The following SNAP25 variants were observed in gnomAD, a reference collection of about 807,000 sequenced individuals.
SNAP25 encodes the protein synaptosomal-associated protein 25.
SNAP25 carries 3 observed loss-of-function variants against 28.7 expected under a neutral mutation model. That is an observed-to-expected ratio of 0.10 (90% confidence interval 0.05 to 0.27). The LOEUF (loss-of-function observed/expected upper bound fraction) is 0.27, where lower values mean the gene tolerates loss of function less well. Among genes scored for constraint, SNAP25 ranks in the 10% least tolerant of loss-of-function variants. SNAP25 has a pLI of 1.00. For synonymous variants in SNAP25, 61 were observed against 88.1 expected (o/e 0.69, Z 1.72); for missense variants, 117 against 278.7 (o/e 0.42, Z 4.13).
chr20:10,282,216 GAAGGAAGGAAGGGA>G (rs1282523761), intron 3 of SNAP25, among the ~76,000 whole-genome samples: 32 of 146,172 alleles, frequency 2.2e-4, no homozygotes, highest in Admixed American at 6.8e-4. Flanking sequence ...AGGAAGGAAG[GAAGGAAGGAAGGGA>G]AAGGAAGGAA....
At chr20:10,292,893 C>G in intron 4 of SNAP25, 1 of 1,604,218 alleles carries the variant, frequency 6.2e-7, no homozygotes, top group Non-Finnish European at 8.5e-7. Context: ...ACAACTCGAT[C>G]GTGTCGAAGA....
chr20:10,246,403 C>G (rs568087209), intron 1 of SNAP25, among the ~76,000 whole-genome samples: 2 of 152,268 alleles, frequency 1.3e-5, no homozygotes, highest in East Asian at 3.9e-4. Flanking sequence ...ACAAGGTTCT[C>G]CTTATCAATG....
At chr20:10,283,299 C>T (rs1040961716) in intron 3 of SNAP25, among the ~76,000 whole-genome samples, 26 of 152,324 alleles carry the variant, frequency 1.7e-4, no homozygotes, top group African/African-American at 6.0e-4. Flanking sequence ...TGCTGTCTTA[C>T]AAAGGAGAAC....
chr20:10,264,942 G>C (rs1302786926), intron 1 of SNAP25, among the ~76,000 whole-genome samples: 1 of 133,074 alleles, frequency 7.5e-6, no homozygotes, highest in Non-Finnish European at 1.5e-5. Context: ...TTTTTTCTGA[G>C]ATGGAGTCTC....
intron 1 of SNAP25, among the ~76,000 whole-genome samples, chr20:10,225,134 G>A (rs1184970088): frequency 1.3e-5 from 2 of 151,874 alleles, no homozygotes; most frequent in Non-Finnish European, 2.9e-5. Flanking sequence ...AGAGAAGGAA[G>A]CTTTAAAGCC....
At chr20:10,251,293 G>A (rs779003129) in intron 1 of SNAP25, among the ~76,000 whole-genome samples, 4 of 152,186 alleles carry the variant, frequency 2.6e-5, no homozygotes, top group Non-Finnish European at 5.9e-5. Context: ...TTTCCTGGGG[G>A]ATAGAGATGA....
chr20:10,290,647 C>CAA (rs61495689), intron 4 of SNAP25, among the ~76,000 whole-genome samples: 86 of 145,666 alleles, frequency 5.9e-4, no homozygotes, highest in South Asian at 3.1e-3. Flanking sequence ...ATATTTTGGC[C>CAA]AAAAAAAAAA....
intron 3 of SNAP25, among the ~76,000 whole-genome samples, chr20:10,282,195 G>T (rs953761810): frequency 6.7e-6 from 1 of 149,224 alleles, no homozygotes; most frequent in Non-Finnish European, 1.5e-5. Context: ...AAGGAAGGAA[G>T]GAAGGAAGGA....
intron 3 of SNAP25, among the ~76,000 whole-genome samples, chr20:10,283,909 C>T (rs1432267759): frequency 3.3e-5 from 5 of 152,104 alleles, no homozygotes; most frequent in African/African-American, 4.8e-5. Flanking sequence ...ATCTTTGTTC[C>T]TTCTGTCCTG....
chr20:10,245,495 A>G (rs1568584835), intron 1 of SNAP25, among the ~76,000 whole-genome samples: 1 of 152,232 alleles, frequency 6.6e-6, no homozygotes, highest in African/African-American at 2.4e-5. Flanking sequence ...AACTTAGATT[A>G]GCCATCAAAT....
At chr20:10,230,364 G>T (rs1466082416) in intron 1 of SNAP25, among the ~76,000 whole-genome samples, 1 of 152,068 alleles carries the variant, frequency 6.6e-6, no homozygotes, top group Non-Finnish European at 1.5e-5. Context: ...CTTTGAGAGG[G>T]GGAAAATGGT....
intron 1 of SNAP25, among the ~76,000 whole-genome samples, chr20:10,248,340 T>G (rs781655658): frequency 3.9e-5 from 6 of 152,204 alleles, no homozygotes; most frequent in Admixed American, 6.5e-5. Flanking sequence ...AATTATTTTA[T>G]AGTGTTTTTT....
chr20:10,306,579 C>T lies in SNAP25; in HGVS notation c.*382C>T, dbSNP rs138893057. On this transcript the variant is annotated 3_prime_UTR_variant, in exon 8 of 8. Transcript: ENST00000254976. ...GTGACATTCCACAGAGTTACTGCCA[C>T]GGTCCTTTGAGTGTCAGGCTCTGAA... 4.2e-4 allele frequency: 69 copies of T among 163,210 alleles called. No individual in the cohort carries two copies. The East Asian group carries it at 5.8e-3, about 14-fold the overall frequency. The allele number at this position is 163,210 out of a possible 1,614,324, so 10.1% of individuals were successfully genotyped here.
At chr20:10,220,824 T>C (rs780246579) in intron 1 of SNAP25, among the ~76,000 whole-genome samples, 6 of 152,260 alleles carry the variant, frequency 3.9e-5, no homozygotes, top group Admixed American at 3.9e-4. Flanking sequence ...TCATACCTCC[T>C]ATCATCTGTA....
At chr20:10,220,560 T>C (rs560302511) in intron 1 of SNAP25, among the ~76,000 whole-genome samples, 9 of 152,338 alleles carry the variant, frequency 5.9e-5, no homozygotes, top group African/African-American at 2.2e-4. Context: ...GCTGAGGTGG[T>C]AATAACTACT....
At chr20:10,262,249 T>C (rs1480179471) in intron 1 of SNAP25, among the ~76,000 whole-genome samples, 2 of 152,220 alleles carry the variant, frequency 1.3e-5, no homozygotes, top group African/African-American at 4.8e-5. Flanking sequence ...TCAACTAGCA[T>C]AGACGAGTCC....
intron 4 of SNAP25, 184 bp from the exon 5 acceptor site, chr20:10,292,977 C>T: frequency 6.2e-7 from 1 of 1,611,784 alleles, no homozygotes; most frequent in Non-Finnish European, 8.5e-7. Context: ...ATGCTGTGGC[C>T]TTTTCATATG....
intron 1 of SNAP25, among the ~76,000 whole-genome samples, chr20:10,221,888 TGAGA>T (rs2062641116): frequency 6.6e-6 from 1 of 152,174 alleles, no homozygotes; most frequent in Non-Finnish European, 1.5e-5. Context: ...AAAAATAATC[TGAGA>T]AAGAGGTTGA....
Position 10,306,358 on chromosome 20 carries a change from T to C in SNAP25, c.*161T>C, listed in dbSNP as rs1212872523. 2 of 605,994 alleles carry C rather than the reference T, an allele frequency of 3.3e-6. No individual in the cohort carries two copies. The highest frequency in any genetic ancestry group is 1.9e-5 in the African/African-American group (1 of 53,164). The allele number at this position is 605,994 out of a possible 1,614,324, so 37.5% of individuals were successfully genotyped here. A position where few individuals can be genotyped will look rare whatever the true frequency, so the allele number is the denominator to read the frequency against. ...ATCTGTCAGCTTCCCAACAATACTT[T>C]GTGTCTTTTGTTCTCTCTTGGTCTC... On this transcript the variant is annotated 3_prime_UTR_variant, in exon 8 of 8. Transcript: ENST00000254976.
Sources: allele counts gnomAD v4.1 joint callset (sites outside exome capture counted in the v4.1 genomes callset), GRCh38; gene constraint gnomAD v4.1.1; transcripts MANE v1.5; gene names NCBI Gene and HGNC (gene_info 2026-07-23, HGNC 2026-07-21).